Variants in PXN observed in about 807,000 individuals in gnomAD.
PXN encodes paxillin.
A neutral mutation model predicts 103.6 loss-of-function variants in PXN; 61 were observed. That is an observed-to-expected ratio of 0.59 (90% CI 0.48 to 0.73). The LOEUF (loss-of-function observed/expected upper bound fraction) is 0.73, where lower values mean the gene tolerates loss of function less well. PXN is among the 30% of genes least tolerant of loss of function. The probability of loss-of-function intolerance (pLI) is 0.00; values close to 1 mark genes in which losing one functional copy is unlikely to be tolerated. For missense variants in PXN, 1,274 were observed against 1,460.3 expected, an observed-to-expected ratio of 0.87 and a Z score of 2.08; for synonymous variants, 562 against 607.8, an observed-to-expected ratio of 0.92 and a Z score of 1.11.
Position 120,224,039 on chromosome 12 carries a change from A to G in PXN, c.240+112T>C. 1.1e-6 allele frequency: 1 copy of G among 910,600 alleles called. No individual in the cohort carries two copies. Among genetic ancestry groups the G allele is most frequent in the Non-Finnish European group, 1.6e-6 (1 of 607,358 alleles). The allele number at this position is 910,600 out of a possible 1,614,324, so 56.4% of individuals were successfully genotyped here. On this transcript the variant is annotated intron_variant, in intron 2 of 14. Coordinates refer to ENST00000637617, the MANE Select transcript of PXN (RefSeq NM_001385981.1). This position sits in a 1 kb window ranked among gnomAD's most constrained non-coding sequence, Gnocchi z 5.0. ...TGGGAAGAGCAGTGTCTGGTTGGGA[A>G]GGGTCGACTGCCCCAATTCCATTCC...
chr12:120,239,608 G>A (rs1151823), intron 1 of PXN, among the ~76,000 whole-genome samples: 5,661 of 151,734 alleles, frequency 0.037, 284 homozygotes, highest in African/African-American at 0.11. Flanking sequence ...TTAGCCAGGC[G>A]TGGTGGTGCA....
Position 120,214,442 on chromosome 12 carries a change from G to A in PXN, c.2749-225C>T, listed in dbSNP as rs575794715. 5.3e-5 allele frequency among the ~76,000 whole-genome samples: 8 copies of A among 152,330 alleles called. No homozygotes were observed. In the East Asian group the frequency reaches 9.6e-4, roughly 18 times the overall value. On this transcript the variant is annotated intron_variant, in intron 12 of 14. Transcript: ENST00000637617. The surrounding 1 kb of genome is among the most constrained non-coding windows in gnomAD (Gnocchi z 5.0). ...CCCTCTCCTCTACTCCTCACCCCAAGTAGAGGGCACAAGTTCTATGACTCC... is the reference window on the plus strand; with the variant it reads ...CCCTCTCCTCTACTCCTCACCCCAAATAGAGGGCACAAGTTCTATGACTCC...
chr12:120,223,866 G>C, intron 2 of PXN, 33 bp from the exon 3 acceptor site: 1 of 1,493,816 alleles, frequency 6.7e-7, no homozygotes, highest in South Asian at 1.2e-5. Context: ...AGGCTACCCC[G>C]AGGGGAGAAA....
rs1273178394 is a variant in PXN at position 120,222,567 on chromosome 12, C to A, written c.677G>T (p.Ser226Ile). ...TACTCACACGGGGCTGGGCACGGAG[C>A]TCTCCAGTTCATCCAAGAGACTCTC... ...SVESLLDELE[S>I]SVPSPVPAIT... The change falls in exon 5 of 15, where the codon AGC (serine) becomes ATC (isoleucine). Residue 226 changes from serine to isoleucine, a missense_variant. Ser to Ile is a moderately radical substitution (Grantham distance 142). This residue lies in a region of PXN where 1,178 missense variants were observed against 1,309.0 expected (regional missense o/e 0.90). Coordinates refer to ENST00000637617, the MANE Select transcript of PXN (RefSeq NM_001385981.1). The surrounding 1 kb of genome is among the most constrained non-coding windows in gnomAD (Gnocchi z 4.7). The A allele has an allele frequency of 6.2e-7, 1 of 1,603,006 alleles. No individual in the cohort carries two copies. Among genetic ancestry groups the A allele is most frequent in the Non-Finnish European group, 8.5e-7 (1 of 1,175,432 alleles).
At chr12:120,248,192 C>T (rs141660404) in intron 1 of PXN, among the ~76,000 whole-genome samples, 1 of 151,994 alleles carries the variant, frequency 6.6e-6, no homozygotes, top group African/African-American at 2.4e-5. Flanking sequence ...CAGAGGGCTG[C>T]CAGACTGCTG....
chr12:120,248,663 T>C (rs1044594680), intron 1 of PXN: 7 of 152,120 alleles, frequency 4.6e-5, no homozygotes, highest in African/African-American at 1.7e-4. Context: ...AGTCACTGAA[T>C]CCAATCCCAG....
intron 1 of PXN, chr12:120,226,915 C>G: frequency 2.0e-6 from 2 of 991,988 alleles, no homozygotes; most frequent in South Asian, 8.8e-5. Flanking sequence ...AAATATCAGG[C>G]TCTCCAGACC....
Position 120,222,469 on chromosome 12 carries a change from G to A in PXN, c.695+80C>T. On this transcript the variant is annotated intron_variant, in intron 5 of 14. Coordinates refer to ENST00000637617, the MANE Select transcript of PXN (RefSeq NM_001385981.1). This position sits in a 1 kb window ranked among gnomAD's most constrained non-coding sequence, Gnocchi z 4.7. ...ACACGGGAGGGAGTGGGTGATACCA[G>A]GGCTAAGGGGACAGACACTGGACCC... The A allele has an allele frequency of 7.0e-7, 1 of 1,432,994 alleles. No homozygotes were observed. The highest frequency in any genetic ancestry group is 1.4e-5 in the South Asian group (1 of 73,378). 88.8% of individuals were successfully genotyped at this position (1,432,994 alleles called of 1,614,324 possible).
chr12:120,224,234 G>T lies in PXN; in HGVS notation c.157C>A (p.Pro53Thr). 1 of 1,612,724 alleles carries T rather than the reference G, an allele frequency of 6.2e-7. No homozygotes were observed. The highest frequency in any genetic ancestry group is 1.7e-5 in the Admixed American group (1 of 59,968). Residue 53 changes from proline to threonine, a missense_variant, in exon 2 of 15, where the codon CCG (proline) becomes ACG (threonine). Around this residue, in one of 2 missense-constraint regions of PXN, gnomAD observed 1,178 missense variants for 1,309.0 expected, o/e 0.90. Coordinates refer to ENST00000637617, the MANE Select transcript of PXN (RefSeq NM_001385981.1). The surrounding 1 kb of genome is among the most constrained non-coding windows in gnomAD (Gnocchi z 5.0). The stretch of plus-strand genomic sequence containing the variant: ...GTGCCATTGAGGGCCTCGCTGGACG[G>T]GGGTGGGGGGACGGGGGGTGGCACG... ...IAVPPPVPPPPSSEALNGTIL... is the reference protein window; with the variant it reads ...IAVPPPVPPPTSSEALNGTIL...
intron 1 of PXN, among the ~76,000 whole-genome samples, chr12:120,232,778 T>C (rs1046309978): frequency 6.6e-6 from 1 of 152,158 alleles, no homozygotes; most frequent in Non-Finnish European, 1.5e-5. Flanking sequence ...AAAGTTTGCC[T>C]GTTCCTGAGA....
Position 120,213,134 on chromosome 12 carries a change from T to G in PXN, c.2980-554A>C, listed in dbSNP as rs1459563328. On this transcript the variant is annotated intron_variant, in intron 14 of 14. Transcript: ENST00000637617. The surrounding 1 kb of genome is among the most constrained non-coding windows in gnomAD (Gnocchi z 4.2). ...TGGCTCACACTTGTAATCCCAGCAC[T>G]TTGGGAGGCCAAGGGAGGCGGATCA... The G allele has an allele frequency of 2.6e-5, 4 of 153,158 alleles. No homozygotes were observed. Among genetic ancestry groups the G allele is most frequent in the Admixed American group, 2.6e-4 (4 of 15,412 alleles). The allele number at this position is 153,158 out of a possible 1,614,324, so 9.5% of individuals were successfully genotyped here.
intron 1 of PXN, among the ~76,000 whole-genome samples, chr12:120,239,553 A>G (rs1254150777): frequency 2.0e-5 from 3 of 151,438 alleles, no homozygotes; most frequent in Non-Finnish European, 4.4e-5. Flanking sequence ...CTGCACTCCA[A>G]CCTGGGCAAC....
At position 120,224,509 on chromosome 12, in the gene PXN, A is replaced by G. The variant is rs1886248728; in HGVS notation, c.14-132T>C. On this transcript the variant is annotated intron_variant, in intron 1 of 14. Coordinates refer to ENST00000637617, the MANE Select transcript of PXN (RefSeq NM_001385981.1). This position sits in a 1 kb window ranked among gnomAD's most constrained non-coding sequence, Gnocchi z 5.0. ...TGCCCCACCCATGGGAGAAATGACCAGCCTTGGGACAGGAAGCCACCAGCC... is the reference window on the plus strand; with the variant it reads ...TGCCCCACCCATGGGAGAAATGACCGGCCTTGGGACAGGAAGCCACCAGCC... The G allele has an allele frequency of 1.3e-6, 1 of 791,466 alleles. No individual in the cohort carries two copies. Among genetic ancestry groups the G allele is most frequent in the African/African-American group, 1.7e-5 (1 of 59,436 alleles). 49.0% of individuals were successfully genotyped at this position (791,466 alleles called of 1,614,324 possible). A position where few individuals can be genotyped will look rare whatever the true frequency, so the allele number is the denominator to read the frequency against.
chr12:120,212,764 T>G lies in PXN; in HGVS notation c.2980-184A>C, dbSNP rs1880686309. 2 of 634,932 alleles carry G rather than the reference T, an allele frequency of 3.1e-6. No homozygotes were observed. Among genetic ancestry groups the G allele is most frequent in the African/African-American group, 1.9e-5 (1 of 53,698 alleles). The allele number at this position is 634,932 out of a possible 1,614,324, so 39.3% of individuals were successfully genotyped here. ...TTTATTTTATTAAATAAATTTTTTT[T>G]GTAGAGATGGGGGTCTCACTATATT... On this transcript the variant is annotated intron_variant, in intron 14 of 14. Transcript: ENST00000637617. The surrounding 1 kb of genome is among the most constrained non-coding windows in gnomAD (Gnocchi z 7.2).
At chr12:120,250,248 G>A in intron 1 of PXN, 1 of 949,898 alleles carries the variant, frequency 1.1e-6, no homozygotes, top group African/African-American at 1.8e-5. Flanking sequence ...AAACAGAGGG[G>A]GCAAAGCTCG....
At position 120,235,627 on chromosome 12, in the gene PXN, G is replaced by A. The variant is rs944451438; in HGVS notation, c.14-11250C>T. Among the ~76,000 whole-genome samples, 7 of 152,190 alleles carry A rather than the reference G, an allele frequency of 4.6e-5. 1 individual carries two copies. The highest frequency in any genetic ancestry group is 3.4e-3 in the Middle Eastern group (1 of 294). On this transcript the variant is annotated intron_variant, in intron 1 of 14. Transcript: ENST00000637617. ...CAAAAAGGCGGGCCTGCTGGGTTCC[G>A]CTCTACTGCTGCCCACTCCAAGTCT...
chr12:120,262,660 T>G (rs1374351803), intron 1 of PXN, among the ~76,000 whole-genome samples: 3 of 152,080 alleles, frequency 2.0e-5, no homozygotes, highest in Non-Finnish European at 4.4e-5. Flanking sequence ...AGACCACAGT[T>G]GTGGTCAAAG....
At position 120,221,609 on chromosome 12, in the gene PXN, G is replaced by C. The variant is rs201011607; in HGVS notation, c.831+14C>G. 2.6e-6 allele frequency: 4 copies of C among 1,557,278 alleles called. No individual in the cohort carries two copies. The highest frequency in any genetic ancestry group is 2.7e-5 in the African/African-American group (2 of 73,644). Reference sequence around the variant, plus strand: ...GGGCGGCAGGGCAGGGAAGATGGAGGGTTCACAGGGCACCTTGAAATCCGA... The same window carrying C: ...GGGCGGCAGGGCAGGGAAGATGGAGCGTTCACAGGGCACCTTGAAATCCGA... On this transcript the variant is annotated intron_variant, in intron 6 of 14. Coordinates refer to ENST00000637617, the MANE Select transcript of PXN (RefSeq NM_001385981.1). This position sits in a 1 kb window ranked among gnomAD's most constrained non-coding sequence, Gnocchi z 6.6.
chr12:120,233,152 C>T (rs1194548673), intron 1 of PXN, among the ~76,000 whole-genome samples: 2 of 152,206 alleles, frequency 1.3e-5, no homozygotes, highest in Non-Finnish European at 1.5e-5. Flanking sequence ...CCCAATCTAA[C>T]GCTTCCTGCA....
Sources: gnomAD v4.1 joint callset for allele counts (sites outside exome capture counted in the v4.1 genomes callset) on GRCh38, gnomAD v4.1.1 for gene constraint, gnomAD v4.1.1 regional missense constraint, Gnocchi (gnomAD v3.1) non-coding constraint, MANE v1.5 for transcripts, NCBI Gene and HGNC (gene_info 2026-07-23, HGNC 2026-07-21) for gene names.